Variants in CACNA2D3 observed in about 807,000 individuals in gnomAD.
CACNA2D3 encodes calcium voltage-gated channel auxiliary subunit alpha2delta 3, also known as voltage-dependent calcium channel subunit alpha-2/delta-3.
A neutral mutation model predicts 160.6 loss-of-function variants in CACNA2D3; 60 were observed. The observed-to-expected ratio is 0.37, with a 90% confidence interval of 0.30 to 0.46. CACNA2D3 has a LOEUF of 0.46. CACNA2D3 is among the 20% of genes least tolerant of loss of function. The pLI, the probability that CACNA2D3 is intolerant of heterozygous loss-of-function variation, is 1.00. For missense variants in CACNA2D3, 1,205 were observed against 1,365.0 expected, an observed-to-expected ratio of 0.88 and a Z score of 1.85; for synonymous variants, 558 against 492.9, an observed-to-expected ratio of 1.13 and a Z score of -1.75.
chr3:54,784,304 A>C (rs1167826166), intron 13 of CACNA2D3, among the ~76,000 whole-genome samples: 1 of 152,176 alleles, frequency 6.6e-6, no homozygotes, highest in East Asian at 1.9e-4. Flanking sequence ...CTCGTGCTGG[A>C]GGCCTTCCAG....
At chr3:55,011,387 G>A (rs528565289) in intron 34 of CACNA2D3, among the ~76,000 whole-genome samples, 7 of 152,294 alleles carry the variant, frequency 4.6e-5, no homozygotes, top group Admixed American at 2.6e-4. Context: ...TTCAGCCTGA[G>A]GACATAAACC....
intron 3 of CACNA2D3, among the ~76,000 whole-genome samples, chr3:54,343,922 T>C (rs761152693): frequency 2.4e-4 from 37 of 152,346 alleles, no homozygotes; most frequent in Middle Eastern, 6.8e-3. Context: ...ATTATGATAA[T>C]GTCCATAATC....
chr3:54,683,363 T>C (rs943358696), intron 11 of CACNA2D3, among the ~76,000 whole-genome samples: 2 of 152,148 alleles, frequency 1.3e-5, no homozygotes, highest in Non-Finnish European at 2.9e-5. Context: ...AAACCAGATA[T>C]ACAGACAAAA....
At chr3:54,246,635 A>G (rs977840292) in intron 2 of CACNA2D3, among the ~76,000 whole-genome samples, 18 of 151,436 alleles carry the variant, frequency 1.2e-4, no homozygotes, top group African/African-American at 3.2e-4. Context: ...GAGGCAGGAT[A>G]ATCACTTGAA....
At chr3:54,589,274 A>AGGATAT (rs1256077139) in intron 9 of CACNA2D3, among the ~76,000 whole-genome samples, 1 of 152,164 alleles carries the variant, frequency 6.6e-6, no homozygotes, top group African/African-American at 2.4e-5. Flanking sequence ...CGATGGAGGA[A>AGGATAT]GGATATCTTT....
chr3:54,405,225 A>G (rs1023607753), intron 4 of CACNA2D3, among the ~76,000 whole-genome samples: 1 of 149,194 alleles, frequency 6.7e-6, no homozygotes, highest in Non-Finnish European at 1.5e-5. Context: ...CCTAAAATTT[A>G]TGTGGAACCA....
intron 2 of CACNA2D3, among the ~76,000 whole-genome samples, chr3:54,311,900 A>G (rs760726000): frequency 3.9e-5 from 6 of 152,200 alleles, no homozygotes; most frequent in Non-Finnish European, 7.3e-5. Flanking sequence ...GGGTTAATGA[A>G]TTTATCTCTT....
At position 54,483,866 on chromosome 3, in the gene CACNA2D3, T is replaced by C. The variant is rs143169969; in HGVS notation, c.382-19626T>C. ...AGAACACCTACTAAATACAAGACAA[T>C]GTATGATATAGGTATATTGTAAATA... On this transcript the variant is annotated intron_variant, in intron 4 of 37. Coordinates refer to ENST00000474759, the MANE Select transcript of CACNA2D3 (RefSeq NM_018398.3). Among the ~76,000 whole-genome samples, 6 of 152,332 alleles carry C rather than the reference T, an allele frequency of 3.9e-5. No homozygotes were observed. In the East Asian group the frequency reaches 1.2e-3, roughly 29 times the overall value.
intron 27 of CACNA2D3, among the ~76,000 whole-genome samples, chr3:54,907,764 CGT>C (rs2106903390): frequency 1.3e-5 from 2 of 152,228 alleles, no homozygotes; most frequent in Admixed American, 1.3e-4. Flanking sequence ...GGAAACCACT[CGT>C]GTGCTTTCTC....
intron 11 of CACNA2D3, among the ~76,000 whole-genome samples, chr3:54,738,760 A>G (rs942583823): frequency 6.6e-6 from 1 of 152,190 alleles, no homozygotes; most frequent in East Asian, 1.9e-4. Context: ...ATGATCCCAT[A>G]TGATCCTACC....
chr3:54,379,145 C>T (rs1407600591), intron 3 of CACNA2D3, among the ~76,000 whole-genome samples: 2 of 152,172 alleles, frequency 1.3e-5, no homozygotes, highest in Non-Finnish European at 2.9e-5. Flanking sequence ...TGTGTTTTCT[C>T]TATTGTTCTG....
In CACNA2D3 at chr3:55,036,379, G is replaced by A. The variant is rs184984540; in HGVS notation, c.2987+18062G>A. Among the ~76,000 whole-genome samples the A allele has an allele frequency of 8.4e-3, 1,284 of 152,206 alleles. 7 individuals carry two copies. The highest frequency in any genetic ancestry group is 0.031 in the Middle Eastern group (9 of 292). On this transcript the variant is annotated intron_variant, in intron 35 of 37. Transcript: ENST00000474759. ...GGAGAATCACTTGAACCTGGGAGAC[G>A]GAGGTTGCAGTGAGTTGAGATTGCA...
chr3:55,057,890 A>C lies in CACNA2D3; in HGVS notation c.2988-15555A>C, dbSNP rs147620136. On this transcript the variant is annotated intron_variant, in intron 35 of 37. Coordinates refer to ENST00000474759, the MANE Select transcript of CACNA2D3 (RefSeq NM_018398.3). Reference sequence around the variant, plus strand: ...ATTTAGAATACAAAATGCTTTGTTCATGTCATGCAAAATGAACAAAATCCT... The same window carrying C: ...ATTTAGAATACAAAATGCTTTGTTCCTGTCATGCAAAATGAACAAAATCCT... Among the ~76,000 whole-genome samples the C allele has an allele frequency of 4.1e-4, 62 of 152,234 alleles. No individual in the cohort carries two copies. In the East Asian group the frequency reaches 0.011, roughly 27 times the overall value.
chr3:54,301,736 G>A (rs114640311), intron 2 of CACNA2D3, among the ~76,000 whole-genome samples: 6 of 151,984 alleles, frequency 3.9e-5, no homozygotes, highest in East Asian at 1.9e-4. Flanking sequence ...ACACATGGGC[G>A]CACACACACA....
intron 2 of CACNA2D3, among the ~76,000 whole-genome samples, chr3:54,201,684 G>A (rs986175155): frequency 2.6e-5 from 4 of 152,154 alleles, no homozygotes; most frequent in African/African-American, 9.7e-5. Flanking sequence ...TCGAAAGACT[G>A]TATCATCATC....
chr3:54,132,782 G>C (rs1245181228), intron 2 of CACNA2D3, among the ~76,000 whole-genome samples: 1 of 152,166 alleles, frequency 6.6e-6, no homozygotes, highest in Non-Finnish European at 1.5e-5. Context: ...GAATCTGAGT[G>C]ACGACAATCT....
At chr3:54,149,068 C>T (rs990772103) in intron 2 of CACNA2D3, among the ~76,000 whole-genome samples, 1 of 151,660 alleles carries the variant, frequency 6.6e-6, no homozygotes, top group African/African-American at 2.4e-5. Context: ...CGAGACAGTC[C>T]AGTGGTGAAG....
intron 23 of CACNA2D3, among the ~76,000 whole-genome samples, chr3:54,886,634 T>A (rs1466884180): frequency 6.6e-6 from 1 of 152,200 alleles, no homozygotes; most frequent in African/African-American, 2.4e-5. Flanking sequence ...AATAATTTAA[T>A]GCTATTCCTA....
At chr3:54,199,743 T>C (rs1701144910) in intron 2 of CACNA2D3, among the ~76,000 whole-genome samples, 1 of 152,178 alleles carries the variant, frequency 6.6e-6, no homozygotes, top group South Asian at 2.1e-4. Flanking sequence ...AAAAATAGTA[T>C]TTTGTGTTTG....
Sources: gnomAD v4.1 joint callset for allele counts (sites outside exome capture counted in the v4.1 genomes callset) on GRCh38, gnomAD v4.1.1 for gene constraint, MANE v1.5 for transcripts, NCBI Gene and HGNC (gene_info 2026-07-23, HGNC 2026-07-21) for gene names.